Variants in ADPGK observed in about 807,000 individuals in gnomAD.
The protein encoded by ADPGK is ADP-dependent glucokinase.
Under a neutral mutation model 42.4 loss-of-function variants are expected in ADPGK, and 26 were observed. The ratio of observed to expected loss-of-function variants is 0.61; its 90% confidence interval spans 0.45 to 0.85. ADPGK has a LOEUF of 0.85. Ranked by LOEUF, ADPGK falls within the 40% of genes least tolerant of loss-of-function variation. The pLI is 0.00. For missense variants in ADPGK, 571 were observed against 627.0 expected, an observed-to-expected ratio of 0.91 and a Z score of 0.95; for synonymous variants, 267 against 252.6, an observed-to-expected ratio of 1.06 and a Z score of -0.54.
chr15:72,755,448 T>G (rs1024761930), intron 6 of ADPGK, 108 bp downstream of exon 6: 4 of 765,678 alleles, frequency 5.2e-6, no homozygotes, highest in Admixed American at 2.6e-5. Flanking sequence ...CAAACCTACA[T>G]GTCAGTGAGC....
chr15:72,774,741 T>C, intron 2 of ADPGK, 131 bp downstream of exon 2: 1 of 730,614 alleles, frequency 1.4e-6, no homozygotes, highest in Non-Finnish European at 2.2e-6. Context: ...AGACCCACAG[T>C]TTTCAACCAG....
intron 3 of ADPGK, among the ~76,000 whole-genome samples, chr15:72,766,179 T>C (rs959420415): frequency 6.6e-6 from 1 of 152,022 alleles, no homozygotes; most frequent in East Asian, 1.9e-4. Context: ...TTTTTAGAGA[T>C]GGGGTCTCGC....
chr15:72,772,695 T>A (rs914394139), intron 2 of ADPGK, among the ~76,000 whole-genome samples: 1 of 152,134 alleles, frequency 6.6e-6, no homozygotes, highest in Non-Finnish European at 1.5e-5. Context: ...TTGCTAAATT[T>A]TGAGAAACGA....
intron 1 of ADPGK, among the ~76,000 whole-genome samples, chr15:72,780,121 A>C (rs1165298037): frequency 6.6e-6 from 1 of 152,228 alleles, no homozygotes; most frequent in Non-Finnish European, 1.5e-5. Context: ...TTGTTGCATT[A>C]GTCAATTTTC....
At position 72,783,544 on chromosome 15, in the gene ADPGK, G is replaced by A; in HGVS notation, c.148C>T (p.Pro50Ser). The A allele has an allele frequency of 4.0e-6, 6 of 1,496,384 alleles. No homozygotes were observed. Among genetic ancestry groups the A allele is most frequent in the Non-Finnish European group, 5.3e-6 (6 of 1,130,232 alleles). The allele number at this position is 1,496,384 out of a possible 1,614,324, so 92.7% of individuals were successfully genotyped here. A position where few individuals can be genotyped will look rare whatever the true frequency, so the allele number is the denominator to read the frequency against. ...CLGPAPAPPG[P>S]VSPEGRLAAA... ...GCCAACCGGCCCTCGGGGGAGACGG[G>A]TCCCGGGGGCGCAGGCGCGGGCCCC... is the stretch of plus-strand genomic sequence containing the variant. The change falls in exon 1 of 7, where the codon CCC becomes TCC. Residue 50 changes from proline to serine, a missense_variant. By Grantham distance (74) the Pro-to-Ser change is moderately conservative (BLOSUM62 -1). Around this residue, in one of 2 missense-constraint regions of ADPGK, gnomAD observed 137 missense variants for 104.2 expected, o/e 1.31. Transcript: ENST00000456471.
At chr15:72,774,632 C>A (rs2066367907) in intron 2 of ADPGK, among the ~76,000 whole-genome samples, 1 of 152,174 alleles carries the variant, frequency 6.6e-6, no homozygotes, top group Non-Finnish European at 1.5e-5. Context: ...CATCCCACAT[C>A]TACTGAATCT....
rs768132759 is a variant in ADPGK, at chr15:72,752,461, C to T, written c.1374G>A (p.Glu458=). The T allele has an allele frequency of 3.7e-6, 6 of 1,614,196 alleles. No homozygotes were observed. The highest frequency in any genetic ancestry group is 4.2e-6 in the Non-Finnish European group (5 of 1,180,042). Residue 458 remains glutamate, a synonymous_variant, in exon 7 of 7, where the codon GAG becomes GAA. Coordinates refer to ENST00000456471, the MANE Select transcript of ADPGK (RefSeq NM_001365225.1). ...PNKPVVEWHR[E]GISFHFTPVL... ...CTGGTGTGAAGTGGAAGGATATTCC[C>T]TCTCTGTGCCATTCTACTACTGGCT...
chr15:72,772,736 A>C (rs781005042), intron 2 of ADPGK, among the ~76,000 whole-genome samples: 4 of 152,104 alleles, frequency 2.6e-5, no homozygotes, highest in Non-Finnish European at 5.9e-5. Flanking sequence ...GGAAACATAA[A>C]AGTTTTCCTG....
chr15:72,774,250 C>G (rs1163113363), intron 2 of ADPGK, among the ~76,000 whole-genome samples: 1 of 152,192 alleles, frequency 6.6e-6, no homozygotes, highest in Non-Finnish European at 1.5e-5. Context: ...CCAAACCAGA[C>G]TGGGTGCCCA....
rs1286593444 is a variant in ADPGK at position 72,751,422 on chromosome 15, T to C, written c.*919A>G. 1 of 152,644 alleles carries C rather than the reference T, an allele frequency of 6.6e-6. No homozygotes were observed. Among genetic ancestry groups the C allele is most frequent in the Non-Finnish European group, 1.5e-5 (1 of 68,040 alleles). The allele number at this position is 152,644 out of a possible 1,614,324, so 9.5% of individuals were successfully genotyped here. On this transcript the variant is annotated 3_prime_UTR_variant, in exon 7 of 7. Coordinates refer to ENST00000456471, the MANE Select transcript of ADPGK (RefSeq NM_001365225.1). ...TTAAGAGCACACAGAAGTCTTGATT[T>C]ATAAAAAAATAAATATATAACATGA...
intron 6 of ADPGK, 127 bp from the exon 7 acceptor site, chr15:72,753,022 C>G: frequency 1.1e-6 from 1 of 911,440 alleles, no homozygotes; most frequent in Non-Finnish European, 1.6e-6. Context: ...ATACAGGACT[C>G]CCTGGCCCTG....
intron 3 of ADPGK, among the ~76,000 whole-genome samples, chr15:72,770,495 T>C (rs1434120102): frequency 2.0e-5 from 3 of 152,168 alleles, no homozygotes; most frequent in Non-Finnish European, 2.9e-5. Flanking sequence ...TGAAAACTCC[T>C]GGGATTCTGA....
Position 72,774,853 on chromosome 15 carries a change from A to G in ADPGK, c.459+19T>C. 1 of 1,590,896 alleles carries G rather than the reference A, an allele frequency of 6.3e-7. No homozygotes were observed. Among genetic ancestry groups the G allele is most frequent in the African/African-American group, 1.3e-5 (1 of 74,224 alleles). On this transcript the variant is annotated intron_variant, in intron 2 of 6. Transcript: ENST00000456471. ...CATCTTTTTCCACCCTTAATTTACTATTGCTGAACCAAACAGACCTGGGCT... is the reference window on the plus strand; with the variant it reads ...CATCTTTTTCCACCCTTAATTTACTGTTGCTGAACCAAACAGACCTGGGCT...
rs1294768866 is a variant in ADPGK at position 72,757,929 on chromosome 15, C to T, written c.644-1482G>A. 6 of 724,956 alleles carry T rather than the reference C, an allele frequency of 8.3e-6. No individual in the cohort carries two copies. In the East Asian group the frequency reaches 1.6e-4, roughly 20 times the overall value. The allele number at this position is 724,956 out of a possible 1,614,324, so 44.9% of individuals were successfully genotyped here. ...AGGCAAAAATAAACAGGCTCTTCTG[C>T]AAGGCAAGGATGAGAAGAACCGTGC... On this transcript the variant is annotated intron_variant, in intron 4 of 6. Transcript: ENST00000456471.
chr15:72,771,677 G>A, intron 3 of ADPGK, 106 bp downstream of exon 3: 3 of 1,009,286 alleles, frequency 3.0e-6, no homozygotes, highest in Non-Finnish European at 4.4e-6. Flanking sequence ...CTGGTACATA[G>A]TAGGTGATCC....
At chr15:72,759,459 T>G (rs1246558403) in intron 4 of ADPGK, among the ~76,000 whole-genome samples, 1 of 152,226 alleles carries the variant, frequency 6.6e-6, no homozygotes, top group Non-Finnish European at 1.5e-5. Context: ...CCCAACTGAT[T>G]CTAGTAAGCA....
At chr15:72,764,252 A>G (rs1477397286) in intron 3 of ADPGK, among the ~76,000 whole-genome samples, 2 of 152,258 alleles carry the variant, frequency 1.3e-5, no homozygotes, top group African/African-American at 2.4e-5. Flanking sequence ...AAGGAAATTA[A>G]AAGTGCTACT....
In ADPGK at chr15:72,751,418, G is replaced by A. The variant is rs2066044155; in HGVS notation, c.*923C>T. 6.6e-6 allele frequency: 1 copy of A among 152,578 alleles called. No individual in the cohort carries two copies. Among genetic ancestry groups the A allele is most frequent in the African/African-American group, 2.4e-5 (1 of 41,416 alleles). 9.5% of individuals were successfully genotyped at this position (152,578 alleles called of 1,614,324 possible). On this transcript the variant is annotated 3_prime_UTR_variant, in exon 7 of 7. Transcript: ENST00000456471. ...ATATTTAAGAGCACACAGAAGTCTTGATTTATAAAAAAATAAATATATAAC... is the reference window on the plus strand; with the variant it reads ...ATATTTAAGAGCACACAGAAGTCTTAATTTATAAAAAAATAAATATATAAC...
chr15:72,782,023 G>A (rs561748138), intron 1 of ADPGK, among the ~76,000 whole-genome samples: 1 of 152,146 alleles, frequency 6.6e-6, no homozygotes, highest in South Asian at 2.1e-4. Context: ...CTTGATCTTG[G>A]ACTATCAGCC....
Sources: gnomAD v4.1 joint callset for allele counts (sites outside exome capture counted in the v4.1 genomes callset) on GRCh38, gnomAD v4.1.1 for gene constraint, gnomAD v4.1.1 regional missense constraint, MANE v1.5 for transcripts, NCBI Gene and HGNC (gene_info 2026-07-23, HGNC 2026-07-21) for gene names.